RFX4: variants seen among roughly 807,000 people sequenced by gnomAD.
The protein encoded by RFX4 is regulatory factor X4.
A neutral mutation model predicts 95.0 loss-of-function variants in RFX4; 10 were observed. The ratio of observed to expected loss-of-function variants is 0.11; its 90% CI spans 0.06 to 0.18. The LOEUF is 0.18. Ranked by LOEUF, RFX4 falls within the 10% of genes least tolerant of loss-of-function variation. The probability of loss-of-function intolerance (pLI) is 1.00; values close to 1 mark genes in which losing one functional copy is unlikely to be tolerated. For synonymous variants in RFX4, 321 were observed against 340.7 expected, an observed-to-expected ratio of 0.94 and a Z score of 0.64; for missense variants, 640 against 922.0, an observed-to-expected ratio of 0.69 and a Z score of 3.96.
At chr12:106,721,975 GT>G (rs2042403969) in intron 13 of RFX4, among the ~76,000 whole-genome samples, 1 of 152,222 alleles carries the variant, frequency 6.6e-6, no homozygotes. Context: ...TTGGAGAAGT[GT>G]TTTGTTGTGG....
chr12:106,644,328 G>A (rs187770853), intron 3 of RFX4, among the ~76,000 whole-genome samples: 14 of 149,626 alleles, frequency 9.4e-5, no homozygotes, highest in African/African-American at 3.2e-4. Context: ...CCACCTCCCA[G>A]GTTCAAGCAA....
rs2042986062 is a variant in RFX4 at position 106,750,761 on chromosome 12, C to T, written c.1903C>T (p.His635Tyr). 6.2e-7 allele frequency: 1 copy of T among 1,608,650 alleles called. No individual in the cohort carries two copies. Among genetic ancestry groups the T allele is most frequent in the Non-Finnish European group, 8.5e-7 (1 of 1,178,190 alleles). The part of the protein sequence containing the change: ...PHDTAISGPL[H>Y]YAPYHRSSAQ... ...TGACACAGCTATCTCTGGGCCACTC[C>T]ACTATGCCCCTTACCACAGGAGCTC... The change falls in exon 17 of 18, where the codon CAC (histidine) becomes TAC (tyrosine). Residue 635 changes from histidine to tyrosine, a missense_variant. Physicochemically the swap from His to Tyr is moderately conservative, Grantham distance 83 (BLOSUM62 2). Coordinates refer to ENST00000392842, the MANE Select transcript of RFX4 (RefSeq NM_213594.3).
intron 1 of RFX4, 88 bp downstream of exon 1, chr12:106,583,451 C>A: frequency 7.6e-7 from 1 of 1,318,366 alleles, no homozygotes; most frequent in African/African-American, 1.5e-5. Flanking sequence ...GGGAAAAGTT[C>A]AGACGGGTCA....
chr12:106,596,641 C>T (rs2039623938), intron 1 of RFX4, among the ~76,000 whole-genome samples: 1 of 152,180 alleles, frequency 6.6e-6, no homozygotes, highest in African/African-American at 2.4e-5. Context: ...AACTGAGTAT[C>T]CAAACTGAGG....
At chr12:106,627,685 T>C (rs1344560533) in intron 2 of RFX4, among the ~76,000 whole-genome samples, 1 of 152,224 alleles carries the variant, frequency 6.6e-6, no homozygotes, top group Non-Finnish European at 1.5e-5. Context: ...ATAAAAAGAT[T>C]TCCAGAGAAG....
Position 106,730,430 on chromosome 12 carries a change from T to C in RFX4, c.1352-1700T>C, listed in dbSNP as rs113685094. 6.0e-3 allele frequency among the ~76,000 whole-genome samples: 913 copies of C among 152,242 alleles called. 10 individuals carry two copies. Among genetic ancestry groups the C allele is most frequent in the African/African-American group, 0.021 (857 of 41,540 alleles). ...TGAACATATTGAACTAAATGACTTATAGGGGAATGGGAACAGATTACGGAG... is the reference window on the plus strand; with the variant it reads ...TGAACATATTGAACTAAATGACTTACAGGGGAATGGGAACAGATTACGGAG... On this transcript the variant is annotated intron_variant, in intron 13 of 17. Transcript: ENST00000392842.
At chr12:106,591,450 T>C (rs1344616972) in intron 1 of RFX4, among the ~76,000 whole-genome samples, 2 of 151,922 alleles carry the variant, frequency 1.3e-5, no homozygotes, top group East Asian at 1.9e-4. Flanking sequence ...GTATTTTTAG[T>C]AGAGATGGGG....
At chr12:106,660,884 G>A (rs1217500515) in intron 4 of RFX4, among the ~76,000 whole-genome samples, 1 of 152,190 alleles carries the variant, frequency 6.6e-6, no homozygotes, top group East Asian at 1.9e-4. Context: ...TCTAATGCCT[G>A]ATGATCTGAG....
chr12:106,732,439 C>T (rs2042631380), intron 14 of RFX4, among the ~76,000 whole-genome samples, 190 bp downstream of exon 14: 1 of 152,174 alleles, frequency 6.6e-6, no homozygotes, highest in South Asian at 2.1e-4. Flanking sequence ...GTGGCTCACA[C>T]CTGCAATCCC....
intron 15 of RFX4, among the ~76,000 whole-genome samples, chr12:106,735,691 C>T (rs1339318598): frequency 7.8e-6 from 1 of 128,650 alleles, no homozygotes; most frequent in Non-Finnish European, 1.7e-5. Context: ...TATGTACACA[C>T]ATGTATTTTT....
At chr12:106,650,977 G>A (rs935116987) in intron 3 of RFX4, among the ~76,000 whole-genome samples, 1 of 152,072 alleles carries the variant, frequency 6.6e-6, no homozygotes, top group African/African-American at 2.4e-5. Flanking sequence ...CAGTCCTCCT[G>A]AGTACAATTC....
chr12:106,678,634 C>A (rs1157460453), intron 4 of RFX4, among the ~76,000 whole-genome samples: 1 of 152,094 alleles, frequency 6.6e-6, no homozygotes, highest in Non-Finnish European at 1.5e-5. Context: ...ATATACAAAC[C>A]CTTTTTGTTC....
In RFX4 at chr12:106,682,020, A is replaced by T. The variant is rs2041524821; in HGVS notation, c.343A>T (p.Thr115Ser). 6.2e-7 allele frequency: 1 copy of T among 1,614,094 alleles called. No homozygotes were observed. Among genetic ancestry groups the T allele is most frequent in the South Asian group, 1.1e-5 (1 of 91,096 alleles). The change falls in exon 5 of 18, where the codon ACC (threonine) becomes TCC (serine). Residue 115 changes from threonine to serine, a missense_variant. By Grantham distance (58) the Thr-to-Ser change is moderately conservative (BLOSUM62 1). Transcript: ENST00000392842. Reference protein sequence around the residue: ...KIIRQQFPQLTTRRLGTRGQS... With the variant: ...KIIRQQFPQLSTRRLGTRGQS... ...CATAAGGCAGCAGTTTCCTCAGTTA[A>T]CCACCAGAAGACTCGGGACCCGAGG...
At position 106,689,163 on chromosome 12, in the gene RFX4, C is replaced by T. The variant is rs2041727484; in HGVS notation, c.592-124C>T. Reference sequence around the variant, plus strand: ...TCTCACCTGGGTCTGGTAGGCTGAGCCGGTGTTAGGTGAATTGCATCCCCC... The same window carrying T: ...TCTCACCTGGGTCTGGTAGGCTGAGTCGGTGTTAGGTGAATTGCATCCCCC... On this transcript the variant is annotated intron_variant, in intron 6 of 17. Transcript: ENST00000392842. 9 of 812,072 alleles carry T rather than the reference C, an allele frequency of 1.1e-5. No individual in the cohort carries two copies. In the South Asian group the frequency reaches 1.1e-4, roughly 10 times the overall value. 50.3% of individuals were successfully genotyped at this position (812,072 alleles called of 1,614,324 possible). A position where few individuals can be genotyped will look rare whatever the true frequency, so the allele number is the denominator to read the frequency against.
chr12:106,663,965 C>T (rs2041125880), intron 4 of RFX4, among the ~76,000 whole-genome samples: 1 of 151,668 alleles, frequency 6.6e-6, no homozygotes, highest in African/African-American at 2.4e-5. Context: ...ATTCAATTTG[C>T]AAATATTCTG....
intron 2 of RFX4, among the ~76,000 whole-genome samples, chr12:106,622,560 A>G (rs920524812): frequency 2.0e-5 from 3 of 151,922 alleles, no homozygotes; most frequent in Admixed American, 2.0e-4. Flanking sequence ...ATATGTAGAA[A>G]TTGAAGCTCA....
At chr12:106,664,054 G>A (rs1390804736) in intron 4 of RFX4, among the ~76,000 whole-genome samples, 1 of 151,570 alleles carries the variant, frequency 6.6e-6, no homozygotes, top group Non-Finnish European at 1.5e-5. Flanking sequence ...TTTGGTACTA[G>A]GTAACAGCTG....
At chr12:106,727,016 C>T (rs1046927877) in intron 13 of RFX4, among the ~76,000 whole-genome samples, 2 of 152,160 alleles carry the variant, frequency 1.3e-5, no homozygotes, top group African/African-American at 4.8e-5. Flanking sequence ...AAGTGATCCA[C>T]CCACCTCAGC....
intron 2 of RFX4, among the ~76,000 whole-genome samples, chr12:106,629,330 G>T (rs1223698852): frequency 1.3e-5 from 2 of 152,174 alleles, no homozygotes; most frequent in African/African-American, 4.8e-5. Context: ...CCTTGTGTAT[G>T]CATCGTTTCG....
Sources: allele counts gnomAD v4.1 joint callset (sites outside exome capture counted in the v4.1 genomes callset), GRCh38; gene constraint gnomAD v4.1.1; transcripts MANE v1.5; gene names NCBI Gene and HGNC (gene_info 2026-07-23, HGNC 2026-07-21).